The following ELMO1 variants were observed in gnomAD, a reference collection of about 807,000 sequenced individuals.
ELMO1 encodes engulfment and cell motility 1, also known as engulfment and cell motility protein 1.
A neutral mutation model predicts 98.9 loss-of-function variants in ELMO1; 26 were observed. The ratio of observed to expected loss-of-function variants is 0.26; its 90% CI spans 0.19 to 0.36. ELMO1 has a LOEUF of 0.36. Among genes scored for constraint, ELMO1 ranks in the 10% least tolerant of loss-of-function variants. The pLI, the probability that ELMO1 is intolerant of heterozygous loss-of-function variation, is 1.00. For synonymous variants in ELMO1, 346 were observed against 346.0 expected, an observed-to-expected ratio of 1.00 and a Z score of 0.00; for missense variants, 627 against 935.2, an observed-to-expected ratio of 0.67 and a Z score of 4.30.
At chr7:37,302,413 G>C (rs1445853025) in intron 4 of ELMO1, among the ~76,000 whole-genome samples, 1 of 151,974 alleles carries the variant, frequency 6.6e-6, no homozygotes, top group Non-Finnish European at 1.5e-5. Context: ...CTTCTGCTTG[G>C]TTCTCTTCAA....
At chr7:36,859,517 C>G (rs759681152) in intron 21 of ELMO1, among the ~76,000 whole-genome samples, 1 of 152,138 alleles carries the variant, frequency 6.6e-6, no homozygotes, top group Non-Finnish European at 1.5e-5. Context: ...CAGGAATGTG[C>G]GAGCTCAGTG....
intron 13 of ELMO1, among the ~76,000 whole-genome samples, chr7:37,171,561 C>T (rs977539902): frequency 9.2e-5 from 11 of 119,830 alleles, no homozygotes; most frequent in Non-Finnish European, 1.3e-4. Context: ...GGCACAATCT[C>T]GGCTCACTGC....
chr7:37,018,004 C>G (rs1051389570), intron 15 of ELMO1, among the ~76,000 whole-genome samples: 1 of 152,180 alleles, frequency 6.6e-6, no homozygotes, highest in African/African-American at 2.4e-5. Context: ...GAACCTGTTT[C>G]CTCATCTGTG....
intron 16 of ELMO1, among the ~76,000 whole-genome samples, chr7:36,994,823 G>A (rs1792095151): frequency 6.6e-6 from 1 of 152,222 alleles, no homozygotes; most frequent in South Asian, 2.1e-4. Flanking sequence ...CTTGAATCAA[G>A]CCTGAAGGGC....
At chr7:37,381,388 G>T (rs1179883950) in intron 1 of ELMO1, among the ~76,000 whole-genome samples, 4 of 152,176 alleles carry the variant, frequency 2.6e-5, no homozygotes. Context: ...GTTTACTAAA[G>T]TTCCAGTACC....
At chr7:37,209,086 C>G (rs1792814916) in intron 13 of ELMO1, among the ~76,000 whole-genome samples, 1 of 151,516 alleles carries the variant, frequency 6.6e-6, no homozygotes, top group South Asian at 2.1e-4. Context: ...CAGAGATACA[C>G]CAAGACTAAA....
At chr7:36,930,827 G>C (rs1785976610) in intron 16 of ELMO1, among the ~76,000 whole-genome samples, 1 of 152,130 alleles carries the variant, frequency 6.6e-6, no homozygotes, top group Non-Finnish European at 1.5e-5. Flanking sequence ...ATGTTTTCTA[G>C]GGTGAGAAAG....
At chr7:37,006,035 C>T (rs1159245496) in intron 16 of ELMO1, among the ~76,000 whole-genome samples, 1 of 152,212 alleles carries the variant, frequency 6.6e-6, no homozygotes, top group Non-Finnish European at 1.5e-5. Flanking sequence ...GGTTACCCAG[C>T]TGGAAGGGAG....
At chr7:37,147,540 G>A (rs946590371) in intron 13 of ELMO1, among the ~76,000 whole-genome samples, 1 of 152,168 alleles carries the variant, frequency 6.6e-6, no homozygotes, top group Admixed American at 6.5e-5. Context: ...ACCAAGCAGA[G>A]TCCATGACCG....
rs1030952176 is a variant in ELMO1 at position 37,259,222 on chromosome 7, G to A, written c.372C>T (p.Asp124=). The A allele has an allele frequency of 6.2e-6, 10 of 1,613,980 alleles. No individual in the cohort carries two copies. The highest frequency in any genetic ancestry group is 3.3e-5 in the Admixed American group (2 of 59,992). ...VTFAQEFINL[D]GISLLTQMVE... ...CCATCTGCGTGAGGAGAGAGATACC[G>A]TCCAGGTTTATAAACTCCTGGGCAA... The change falls in exon 6 of 22, where the codon GAC becomes GAT. Residue 124 remains aspartate, a synonymous_variant. Coordinates refer to ENST00000310758, the MANE Select transcript of ELMO1 (RefSeq NM_014800.11).
chr7:37,108,333 C>T (rs1234520965), intron 14 of ELMO1, among the ~76,000 whole-genome samples: 1 of 152,176 alleles, frequency 6.6e-6, no homozygotes, highest in Non-Finnish European at 1.5e-5. Context: ...CCCTCCCTGA[C>T]ACACTGCCCC....
chr7:37,149,165 T>C (rs1788199211), intron 13 of ELMO1, among the ~76,000 whole-genome samples: 1 of 152,198 alleles, frequency 6.6e-6, no homozygotes, highest in Non-Finnish European at 1.5e-5. Flanking sequence ...CATGCAGAGA[T>C]TTCTCCAGAA....
intron 15 of ELMO1, among the ~76,000 whole-genome samples, chr7:37,030,934 C>T (rs2129185536): frequency 6.6e-6 from 1 of 152,276 alleles, no homozygotes; most frequent in East Asian, 1.9e-4. Context: ...CTCTTAGCCA[C>T]CTCAAAGTCA....
intron 16 of ELMO1, among the ~76,000 whole-genome samples, chr7:36,916,875 G>C (rs951717580): frequency 6.6e-6 from 1 of 152,240 alleles, no homozygotes; most frequent in African/African-American, 2.4e-5. Flanking sequence ...GGAAGGACTG[G>C]TTTACAGTGT....
chr7:37,296,142 T>C (rs1583484781), intron 4 of ELMO1, among the ~76,000 whole-genome samples: 1 of 152,320 alleles, frequency 6.6e-6, no homozygotes, highest in South Asian at 2.1e-4. Flanking sequence ...TAGCTGGGTG[T>C]CTGTGAGGGG....
intron 7 of ELMO1, among the ~76,000 whole-genome samples, 196 bp from the exon 8 acceptor site, chr7:37,233,390 G>C (rs759386095): frequency 2.0e-5 from 3 of 151,672 alleles, no homozygotes; most frequent in African/African-American, 7.2e-5. Flanking sequence ...TGGGCAGGAC[G>C]GCCTTGATGA....
chr7:37,165,267 T>C (rs1284857617), intron 13 of ELMO1, among the ~76,000 whole-genome samples: 1 of 152,174 alleles, frequency 6.6e-6, no homozygotes, highest in Non-Finnish European at 1.5e-5. Context: ...AGATATTCAA[T>C]CATGTCATCT....
At chr7:37,189,494 G>A (rs533115330) in intron 13 of ELMO1, among the ~76,000 whole-genome samples, 32 of 152,298 alleles carry the variant, frequency 2.1e-4, no homozygotes, top group Admixed American at 2.1e-3. Flanking sequence ...AAGACACAGG[G>A]AAGTTTATGG....
intron 14 of ELMO1, among the ~76,000 whole-genome samples, chr7:37,130,393 C>G (rs1051776045): frequency 6.6e-5 from 10 of 152,128 alleles, no homozygotes; most frequent in African/African-American, 2.4e-4. Flanking sequence ...TCCTGGGGGC[C>G]TGTGCATTTC....
Sources: gnomAD v4.1 joint callset for allele counts (sites outside exome capture counted in the v4.1 genomes callset) on GRCh38, gnomAD v4.1.1 for gene constraint, MANE v1.5 for transcripts, NCBI Gene and HGNC (gene_info 2026-07-23, HGNC 2026-07-21) for gene names.